Variants in CCDC88C observed in about 807,000 individuals in gnomAD.
CCDC88C encodes coiled-coil and HOOK domain protein 88C, also known as protein Daple.
CCDC88C carries 131 observed loss-of-function variants against 198.8 expected under a neutral mutation model. The observed-to-expected ratio is 0.66, with a 90% CI of 0.57 to 0.76. CCDC88C has a LOEUF of 0.76. Ranked by LOEUF, CCDC88C falls within the 30% of genes least tolerant of loss-of-function variation. CCDC88C has a pLI of 0.00. For missense variants in CCDC88C, 2,553 were observed against 2,631.6 expected, an observed-to-expected ratio of 0.97 and a Z score of 0.65; for synonymous variants, 1,166 against 1,114.7, an observed-to-expected ratio of 1.05 and a Z score of -0.92.
chr14:91,300,108 G>C (rs768084437), intron 20 of CCDC88C, 38 bp from the exon 21 acceptor site: 73 of 1,593,444 alleles, frequency 4.6e-5, no homozygotes, highest in Non-Finnish European at 6.2e-5. Flanking sequence ...TCTGGCCAGG[G>C]CCTTCTTTTC....
chr14:91,367,496 G>A (rs1237797028), intron 3 of CCDC88C, among the ~76,000 whole-genome samples: 3 of 152,116 alleles, frequency 2.0e-5, no homozygotes, highest in Non-Finnish European at 2.9e-5. Context: ...CCAAAGCCGG[G>A]GCATTTTCTA....
At position 91,417,681 on chromosome 14, in the gene CCDC88C, T is replaced by C; in HGVS notation, c.10A>G (p.Thr4Ala). Residue 4 changes from threonine to alanine, a missense_variant, in exon 1 of 30, where the codon ACA becomes GCA. Thr to Ala is a moderately conservative substitution (Grantham distance 58). Around this residue, in one of 2 missense-constraint regions of CCDC88C, gnomAD observed 1,260 missense variants for 1,412.0 expected, o/e 0.89. Coordinates refer to ENST00000389857, the MANE Select transcript of CCDC88C (RefSeq NM_001080414.4). The part of the protein sequence containing the change: MDV[T>A]VSELLELFLQ... ...AAGAGCTCCAGGAGCTCCGAGACTG[T>C]CACGTCCATGCTGAGGCTGCGCCCG... 6.4e-7 allele frequency: 1 copy of C among 1,574,258 alleles called. No individual in the cohort carries two copies. The highest frequency in any genetic ancestry group is 8.6e-7 in the Non-Finnish European group (1 of 1,164,378).
intron 3 of CCDC88C, among the ~76,000 whole-genome samples, chr14:91,396,226 G>A (rs577094936): frequency 1.3e-5 from 2 of 152,306 alleles, no homozygotes; most frequent in African/African-American, 4.8e-5. Context: ...GCCTGCCTGG[G>A]CAAGTTCTTC....
chr14:91,303,806 A>G lies in CCDC88C; in HGVS notation c.3530T>C (p.Leu1177Pro), dbSNP rs763146804. The G allele has an allele frequency of 1.6e-5, 26 of 1,613,412 alleles. No individual in the cohort carries two copies. The highest frequency in any genetic ancestry group is 2.1e-5 in the Non-Finnish European group (25 of 1,179,898). Residue 1177 changes from leucine to proline, a missense_variant, in exon 20 of 30, where the codon CTG becomes CCG. By Grantham distance (98) the Leu-to-Pro change is moderately conservative (BLOSUM62 -3). Around this residue, in one of 2 missense-constraint regions of CCDC88C, gnomAD observed 1,293 missense variants for 1,219.6 expected, o/e 1.06. Transcript: ENST00000389857. ...LLQDHEHLGTLHERQSAEYEA... is the reference protein window; with the variant it reads ...LLQDHEHLGTPHERQSAEYEA... ...GTACTCGGCCGATTGCCGCTCGTGCAGCGTGCCCAGGTGCTCGTGGTCCTG... is the reference window on the plus strand; with the variant it reads ...GTACTCGGCCGATTGCCGCTCGTGCGGCGTGCCCAGGTGCTCGTGGTCCTG...
chr14:91,344,789 G>A (rs1454349169), intron 4 of CCDC88C, among the ~76,000 whole-genome samples: 4 of 150,670 alleles, frequency 2.7e-5, no homozygotes, highest in Non-Finnish European at 5.9e-5. Flanking sequence ...TTGAGCCACC[G>A]CGCCCGGCCC....
At chr14:91,305,037 T>C (rs555367978) in intron 19 of CCDC88C, among the ~76,000 whole-genome samples, 49 of 151,976 alleles carry the variant, frequency 3.2e-4, no homozygotes, top group African/African-American at 1.1e-3. Context: ...AGGTCAGGAG[T>C]TCGAGACCAG....
intron 23 of CCDC88C, among the ~76,000 whole-genome samples, chr14:91,292,074 A>G (rs1890685023): frequency 6.6e-6 from 1 of 152,198 alleles, no homozygotes; most frequent in Non-Finnish European, 1.5e-5. Flanking sequence ...GTAACAGCTC[A>G]TTCTCGAAGC....
chr14:91,359,529 G>C, intron 4 of CCDC88C, 113 bp downstream of exon 4: 1 of 766,706 alleles, frequency 1.3e-6, no homozygotes, highest in East Asian at 2.7e-5. Context: ...AAACGATCAC[G>C]TGTTTTCACT....
chr14:91,332,676 C>T (rs957987393), intron 10 of CCDC88C, among the ~76,000 whole-genome samples: 4 of 152,184 alleles, frequency 2.6e-5, no homozygotes, highest in Non-Finnish European at 4.4e-5. Flanking sequence ...CGAGCTGGCA[C>T]GAATGCAATA....
chr14:91,369,359 G>A (rs1338015646), intron 3 of CCDC88C, among the ~76,000 whole-genome samples: 3 of 152,044 alleles, frequency 2.0e-5, no homozygotes, highest in Admixed American at 1.3e-4. Flanking sequence ...GGCGCCTGCC[G>A]TCATGTCCGG....
At position 91,273,493 on chromosome 14, in the gene CCDC88C, G is replaced by C. The variant is rs766112055; in HGVS notation, c.5219C>G (p.Ser1740Trp). The change falls in exon 30 of 30, where the codon TCG (serine) becomes TGG (tryptophan). Residue 1740 changes from serine (S) to tryptophan (W), a missense_variant. Around this residue, in one of 2 missense-constraint regions of CCDC88C, gnomAD observed 1,293 missense variants for 1,219.6 expected, o/e 1.06. Coordinates refer to ENST00000389857, the MANE Select transcript of CCDC88C (RefSeq NM_001080414.4). The surrounding 1 kb of genome is among the most constrained non-coding windows in gnomAD (Gnocchi z 5.6). Reference protein sequence around the residue: ...APTVKMAAPTSEGRPLKPGQY... With the variant: ...APTVKMAAPTWEGRPLKPGQY... ...CCCGGGCTTCAGCGGCCTCCCCTCCGAGGTGGGGGCGGCCATTTTGACGGT... is the reference window on the plus strand; with the variant it reads ...CCCGGGCTTCAGCGGCCTCCCCTCCCAGGTGGGGGCGGCCATTTTGACGGT... 4 of 1,552,018 alleles carry C rather than the reference G, an allele frequency of 2.6e-6. No homozygotes were observed. Among genetic ancestry groups the C allele is most frequent in the Non-Finnish European group, 2.6e-6 (3 of 1,148,118 alleles).
chr14:91,277,938 C>T lies in CCDC88C; in HGVS notation c.5042G>A (p.Arg1681His), dbSNP rs375999190. The T allele has an allele frequency of 9.9e-5, 150 of 1,512,422 alleles. No individual in the cohort carries two copies. The highest frequency in any genetic ancestry group is 1.7e-4 in the Middle Eastern group (1 of 5,810). The allele number at this position is 1,512,422 out of a possible 1,614,324, so 93.7% of individuals were successfully genotyped here. The change falls in exon 29 of 30, where the codon CGC (arginine) becomes CAC (histidine). Residue 1681 changes from arginine to histidine, a missense_variant. By Grantham distance (29) the Arg-to-His change is conservative (BLOSUM62 0). This residue lies in a region of CCDC88C where 1,293 missense variants were observed against 1,219.6 expected (regional missense o/e 1.06). Coordinates refer to ENST00000389857, the MANE Select transcript of CCDC88C (RefSeq NM_001080414.4). ...ATCACTCACATGGGTGGGGGAGCTG[C>T]GGTTGCTCTCCTCCAGGAACTCCTC... ...TLEEFLEESN[R>H]SSPTHDTPSC...
intron 20 of CCDC88C, among the ~76,000 whole-genome samples, chr14:91,302,644 G>A (rs1198197587): frequency 1.3e-5 from 2 of 152,228 alleles, no homozygotes; most frequent in African/African-American, 2.4e-5. Context: ...AGGGTGTGGA[G>A]AGTGGGAGGT....
At position 91,371,207 on chromosome 14, in the gene CCDC88C, G is replaced by A. The variant is rs558267030; in HGVS notation, c.271-11496C>T. On this transcript the variant is annotated intron_variant, in intron 3 of 29. Coordinates refer to ENST00000389857, the MANE Select transcript of CCDC88C (RefSeq NM_001080414.4). This position sits in a 1 kb window ranked among gnomAD's most constrained non-coding sequence, Gnocchi z 4.2. ...AAGGGCCCTGATTTTATGGCCGTGA[G>A]GGATCGTATGACTGTGACTTCATGG... is the stretch of plus-strand genomic sequence containing the variant. 1.3e-5 allele frequency among the ~76,000 whole-genome samples: 2 copies of A among 152,216 alleles called. No individual in the cohort carries two copies. Among genetic ancestry groups the A allele is most frequent in the African/African-American group, 4.8e-5 (2 of 41,524 alleles).
chr14:91,402,942 A>G (rs1886292653), intron 3 of CCDC88C, among the ~76,000 whole-genome samples: 1 of 152,240 alleles, frequency 6.6e-6, no homozygotes, highest in African/African-American at 2.4e-5. Flanking sequence ...GCTAGAGGCC[A>G]GAAGTCAGAG....
At chr14:91,391,812 A>G (rs557699460) in intron 3 of CCDC88C, among the ~76,000 whole-genome samples, 2 of 152,002 alleles carry the variant, frequency 1.3e-5, no homozygotes, top group Non-Finnish European at 2.9e-5. Flanking sequence ...AGCTTCCTAA[A>G]AGACCAGAAG....
chr14:91,406,622 T>C (rs900043964), intron 3 of CCDC88C, among the ~76,000 whole-genome samples: 1 of 152,230 alleles, frequency 6.6e-6, no homozygotes, highest in Non-Finnish European at 1.5e-5. Flanking sequence ...GTGCTTCCCC[T>C]AGCACTCAGC....
chr14:91,311,462 T>C (rs1200091875), intron 15 of CCDC88C, among the ~76,000 whole-genome samples: 1 of 152,174 alleles, frequency 6.6e-6, no homozygotes, highest in Admixed American at 6.5e-5. Flanking sequence ...AGCATGATCT[T>C]CCTCACTCTC....
chr14:91,303,596 C>T lies in CCDC88C; in HGVS notation c.3635+105G>A, dbSNP rs1411338440. The T allele has an allele frequency of 1.4e-5, 18 of 1,242,492 alleles. No individual in the cohort carries two copies. The Admixed American group carries it at 4.8e-4, about 33-fold the overall frequency. 77.0% of individuals were successfully genotyped at this position (1,242,492 alleles called of 1,614,324 possible). On this transcript the variant is annotated intron_variant, in intron 20 of 29. Coordinates refer to ENST00000389857, the MANE Select transcript of CCDC88C (RefSeq NM_001080414.4). The stretch of plus-strand genomic sequence containing the variant: ...CCATCTTCCCCAGGCCCTGCCTCTC[C>T]CCTAGGTCCCACCCATCTACCCCAG...
Sources: gnomAD v4.1 joint callset for allele counts (sites outside exome capture counted in the v4.1 genomes callset) on GRCh38, gnomAD v4.1.1 for gene constraint, gnomAD v4.1.1 regional missense constraint, Gnocchi (gnomAD v3.1) non-coding constraint, MANE v1.5 for transcripts, NCBI Gene and HGNC (gene_info 2026-07-23, HGNC 2026-07-21) for gene names.